SYNPO2L: variants seen among roughly 807,000 people sequenced by gnomAD.
SYNPO2L encodes the protein synaptopodin 2 like, also known as synaptopodin 2-like protein.
Under a neutral mutation model 47.5 loss-of-function variants are expected in SYNPO2L, and 34 were observed. The ratio of observed to expected loss-of-function variants is 0.72; its 90% CI spans 0.54 to 0.95. SYNPO2L has a LOEUF of 0.95. SYNPO2L is among the 40% of genes least tolerant of loss of function. SYNPO2L has a pLI of 0.00. For missense variants in SYNPO2L, 1,246 were observed against 1,282.0 expected (o/e 0.97, Z 0.43); for synonymous variants, 536 against 524.9 (o/e 1.02, Z -0.29).
intron 1 of SYNPO2L, 55 bp from the exon 2 acceptor site, chr10:73,654,335 T>C: frequency 5.8e-6 from 9 of 1,541,722 alleles, no homozygotes; most frequent in South Asian, 2.4e-5. Context: ...GGGAATAGAA[T>C]GAAAGGAAAA....
rs536226857 is a variant in SYNPO2L, at chr10:73,647,479, C to A, written c.2173G>T (p.Val725Leu). ...CCTCGAGATGGGGGCTTAGGAGCCA[C>A]TGGGGGTGGAGTCTTAGGAGTCATA... ...PPMTPKTPPP[V>L]APKPPSRGLL... Residue 725 changes from valine (V) to leucine (L), a missense_variant, in exon 4 of 4, where the codon GTG becomes TTG. Around this residue, in one of 3 missense-constraint regions of SYNPO2L, gnomAD observed 1,037 missense variants for 1,021.5 expected, o/e 1.02. Coordinates refer to ENST00000394810, the MANE Select transcript of SYNPO2L (RefSeq NM_001114133.3). 1.3e-6 allele frequency: 2 copies of A among 1,589,878 alleles called. No homozygotes were observed. Among genetic ancestry groups the A allele is most frequent in the African/African-American group, 2.7e-5 (2 of 73,990 alleles).
chr10:73,655,680 A>G, intron 1 of SYNPO2L, 138 bp downstream of exon 1: 1 of 658,354 alleles, frequency 1.5e-6, no homozygotes, highest in Non-Finnish European at 2.7e-6. Flanking sequence ...AGACTTGAGC[A>G]TACTTCCCTG....
At position 73,647,926 on chromosome 10, in the gene SYNPO2L, T is replaced by C. The variant is rs1182129085; in HGVS notation, c.1726A>G (p.Met576Val). 2.0e-6 allele frequency: 3 copies of C among 1,529,042 alleles called. No individual in the cohort carries two copies. The highest frequency in any genetic ancestry group is 2.6e-6 in the Non-Finnish European group (3 of 1,141,450). 94.7% of individuals were successfully genotyped at this position (1,529,042 alleles called of 1,614,324 possible). ...EPPAPPSAAAMTSTASIFLSA... is the reference protein window; with the variant it reads ...EPPAPPSAAAVTSTASIFLSA... ...AGGAAGATAGAAGCGGTGGAGGTCA[T>C]GGCAGCTGCGCTAGGAGGAGCGGGG... Residue 576 changes from methionine to valine, a missense_variant, in exon 4 of 4, where the codon ATG becomes GTG. Transcript: ENST00000394810.
At chr10:73,654,085 G>C in intron 2 of SYNPO2L, 44 bp downstream of exon 2, 1 of 1,540,688 alleles carries the variant, frequency 6.5e-7, no homozygotes, top group Non-Finnish European at 8.8e-7. Flanking sequence ...GACAGGCAAT[G>C]GGAGCCCTGG....
In SYNPO2L at chr10:73,648,644, G is replaced by C; in HGVS notation, c.1008C>G (p.Asp336Glu). ...GVPPTSESEL[D>E]EEAFSDARSL... ...TGCGGGCGTCAGAGAAGGCTTCTTCGTCCAGCTCGGACTCACTCGTGGGGG... is the reference window on the plus strand; with the variant it reads ...TGCGGGCGTCAGAGAAGGCTTCTTCCTCCAGCTCGGACTCACTCGTGGGGG... The change falls in exon 4 of 4, where the codon GAC (aspartate) becomes GAG (glutamate). Residue 336 changes from aspartate (D) to glutamate (E), a missense_variant. Coordinates refer to ENST00000394810, the MANE Select transcript of SYNPO2L (RefSeq NM_001114133.3). 1.2e-6 allele frequency: 2 copies of C among 1,613,532 alleles called. No homozygotes were observed. The highest frequency in any genetic ancestry group is 1.7e-6 in the Non-Finnish European group (2 of 1,179,504).
Position 73,647,313 on chromosome 10 carries a change from G to C in SYNPO2L, c.2339C>G (p.Pro780Arg). 6.2e-7 allele frequency: 1 copy of C among 1,614,096 alleles called. No individual in the cohort carries two copies. Among genetic ancestry groups the C allele is most frequent in the South Asian group, 1.1e-5 (1 of 91,088 alleles). The part of the protein sequence containing the change: ...DRYVVEGTPG[P>R]GLGPRPRSPS... ...ACTTCTAGGCCGAGGGCCAAGACCA[G>C]GACCAGGTGTACCTTCCACCACATA... is the stretch of plus-strand genomic sequence containing the variant. The change falls in exon 4 of 4, where the codon CCT (proline) becomes CGT (arginine). Residue 780 changes from proline to arginine, a missense_variant. This residue lies in a region of SYNPO2L where 1,037 missense variants were observed against 1,021.5 expected (regional missense o/e 1.02). Transcript: ENST00000394810.
At chr10:73,649,293 A>G (rs1440140957) in intron 3 of SYNPO2L, among the ~76,000 whole-genome samples, 1 of 152,162 alleles carries the variant, frequency 6.6e-6, no homozygotes, top group East Asian at 1.9e-4. Context: ...GGGAGAGGAA[A>G]GATGAGAAGG....
Position 73,645,105 on chromosome 10 carries a change from G to A in SYNPO2L, c.*1613C>T. 3.2e-6 allele frequency: 4 copies of A among 1,239,630 alleles called. No individual in the cohort carries two copies. Among genetic ancestry groups the A allele is most frequent in the Non-Finnish European group, 4.1e-6 (4 of 966,448 alleles). 76.8% of individuals were successfully genotyped at this position (1,239,630 alleles called of 1,614,324 possible). A position where few individuals can be genotyped will look rare whatever the true frequency, so the allele number is the denominator to read the frequency against. ...GGGGTGGGACTGAAAGGAGGTTTTGGCTCTGGGTATTTCCCTACTCTTTCC... is the reference window on the plus strand; with the variant it reads ...GGGGTGGGACTGAAAGGAGGTTTTGACTCTGGGTATTTCCCTACTCTTTCC... On this transcript the variant is annotated 3_prime_UTR_variant, in exon 4 of 4. Transcript: ENST00000394810.
rs201100488 is a variant in SYNPO2L at position 73,648,663 on chromosome 10, G to A, written c.989C>T (p.Thr330Met). ...GAEEEDGVPP[T>M]SESELDEEAF... is the part of the protein sequence containing the mutation. ...TTCTTCGTCCAGCTCGGACTCACTC[G>A]TGGGGGGAACGCCGTCCTCCTCCTC... is the stretch of plus-strand genomic sequence containing the variant. The change falls in exon 4 of 4, where the codon ACG becomes ATG. Residue 330 changes from threonine (T) to methionine (M), a missense_variant. Physicochemically the swap from Thr to Met is moderately conservative, Grantham distance 81. Around this residue, in one of 3 missense-constraint regions of SYNPO2L, gnomAD observed 1,037 missense variants for 1,021.5 expected, o/e 1.02. Transcript: ENST00000394810. The A allele has an allele frequency of 4.0e-5, 64 of 1,611,184 alleles. No individual in the cohort carries two copies. In the African/African-American group the frequency reaches 5.6e-4, roughly 14 times the overall value.
At position 73,648,457 on chromosome 10, in the gene SYNPO2L, C is replaced by G. The variant is rs759027292; in HGVS notation, c.1195G>C (p.Asp399His). The change falls in exon 4 of 4, where the codon GAC (aspartate) becomes CAC (histidine). Residue 399 changes from aspartate (D) to histidine (H), a missense_variant. Asp to His is a moderately conservative substitution (Grantham distance 81). Coordinates refer to ENST00000394810, the MANE Select transcript of SYNPO2L (RefSeq NM_001114133.3). ...QLFEQQRQRA[D>H]SSTQELARVE... is the part of the protein sequence containing the mutation. ...CGTGCCAGTTCCTGGGTGCTGGAGTCTGCGCGCTGGCGCTGCTGTTCAAAG... is the reference window on the plus strand; with the variant it reads ...CGTGCCAGTTCCTGGGTGCTGGAGTGTGCGCGCTGGCGCTGCTGTTCAAAG... 1.6e-5 allele frequency: 25 copies of G among 1,611,038 alleles called. No individual in the cohort carries two copies. Among genetic ancestry groups the G allele is most frequent in the Non-Finnish European group, 2.1e-5 (25 of 1,179,846 alleles).
At position 73,648,366 on chromosome 10, in the gene SYNPO2L, G is replaced by A. The variant is rs1354421665; in HGVS notation, c.1286C>T (p.Pro429Leu). The A allele has an allele frequency of 1.9e-6, 3 of 1,606,174 alleles. No homozygotes were observed. The highest frequency in any genetic ancestry group is 2.5e-6 in the Non-Finnish European group (3 of 1,179,260). The change falls in exon 4 of 4, where the codon CCC (proline) becomes CTC (leucine). Residue 429 changes from proline (P) to leucine (L), a missense_variant. Physicochemically the swap from Pro to Leu is moderately conservative, Grantham distance 98 (BLOSUM62 -3). Coordinates refer to ENST00000394810, the MANE Select transcript of SYNPO2L (RefSeq NM_001114133.3). The stretch of plus-strand genomic sequence containing the variant: ...GGGTGGGAGCACAGCTGCCTCTGGG[G>A]GAGCACTCTGGGCCCGAGGTGGTGA... Reference protein sequence around the residue: ...LQSPPRAQSAPPEAAVLPPSP... With the variant: ...LQSPPRAQSALPEAAVLPPSP...
chr10:73,645,394 C>G lies in SYNPO2L; in HGVS notation c.*1324G>C. The G allele has an allele frequency of 1.0e-6, 1 of 1,004,896 alleles. No homozygotes were observed. Among genetic ancestry groups the G allele is most frequent in the South Asian group, 4.2e-5 (1 of 24,026 alleles). 62.2% of individuals were successfully genotyped at this position (1,004,896 alleles called of 1,614,324 possible). A position where few individuals can be genotyped will look rare whatever the true frequency, so the allele number is the denominator to read the frequency against. On this transcript the variant is annotated 3_prime_UTR_variant, in exon 4 of 4. Coordinates refer to ENST00000394810, the MANE Select transcript of SYNPO2L (RefSeq NM_001114133.3). ...CTTCTGTCTGTGGCTCAATCACTTA[C>G]ACTCATTTCTGCCATGCTTCTGATT...
At position 73,656,009 on chromosome 10, in the gene SYNPO2L, T is replaced by C; in HGVS notation, c.-87A>G. ...GCTCGAACCCCGTCTGGGCTTCCTG[T>C]CCGGCTGTCCTGCTCCTGCTGCCCC... On this transcript the variant is annotated 5_prime_UTR_variant, in exon 1 of 4. Coordinates refer to ENST00000394810, the MANE Select transcript of SYNPO2L (RefSeq NM_001114133.3). The C allele has an allele frequency of 1.7e-6, 2 of 1,145,128 alleles. No homozygotes were observed. Among genetic ancestry groups the C allele is most frequent in the Non-Finnish European group, 2.5e-6 (2 of 814,606 alleles). 70.9% of individuals were successfully genotyped at this position (1,145,128 alleles called of 1,614,324 possible).
In SYNPO2L at chr10:73,655,829, G is replaced by A. The variant is rs1045276509; in HGVS notation, c.94C>T (p.Gln32Ter). 4.5e-6 allele frequency: 7 copies of A among 1,549,080 alleles called. No homozygotes were observed. Among genetic ancestry groups the A allele is most frequent in the Non-Finnish European group, 6.1e-6 (7 of 1,145,848 alleles). The change falls in exon 1 of 4, where the codon CAG becomes TAG. Residue 32 changes from glutamine to a stop codon, truncating the protein, a stop_gained. Coordinates refer to ENST00000394810, the MANE Select transcript of SYNPO2L (RefSeq NM_001114133.3). LOFTEE classifies it high-confidence loss of function. ...HGGAEQRKPL[Q>*]VSKIRRRSQA... is the part of the protein sequence containing the mutation. ...GGGCTCTCCCTTACCTTAGACACCT[G>A]TAACGGTTTCCTCTGCTCGGCCCCC... is the stretch of plus-strand genomic sequence containing the variant.
intron 3 of SYNPO2L, chr10:73,649,895 A>G: frequency 1.0e-6 from 1 of 985,420 alleles, no homozygotes; most frequent in Non-Finnish European, 1.2e-6. Context: ...AGGATACCTC[A>G]AGGTCGCCAG....
chr10:73,651,031 G>A (rs1454246055), intron 3 of SYNPO2L: 1 of 1,607,818 alleles, frequency 6.2e-7, no homozygotes, highest in Non-Finnish European at 8.5e-7. Flanking sequence ...GTGTTGGCTG[G>A]AGCAGGACCA....
Position 73,645,309 on chromosome 10 carries a change from C to G in SYNPO2L, c.*1409G>C. On this transcript the variant is annotated 3_prime_UTR_variant, in exon 4 of 4. Transcript: ENST00000394810. ...TTTTTTCCAATCCCCCTCTCACACA[C>G]GGTTGGTTTCTTGTTACTCAACTTT... The G allele has an allele frequency of 9.3e-7, 1 of 1,080,966 alleles. No homozygotes were observed. The highest frequency in any genetic ancestry group is 1.1e-6 in the Non-Finnish European group (1 of 884,576). 67.0% of individuals were successfully genotyped at this position (1,080,966 alleles called of 1,614,324 possible). A position where few individuals can be genotyped will look rare whatever the true frequency, so the allele number is the denominator to read the frequency against.
At chr10:73,651,377 T>C (rs191149465) in intron 3 of SYNPO2L, among the ~76,000 whole-genome samples, 1 of 152,248 alleles carries the variant, frequency 6.6e-6, no homozygotes, top group Non-Finnish European at 1.5e-5. Context: ...CACTCAGGGA[T>C]GTCAGACTCT....
chr10:73,652,511 A>C (rs533436088), intron 3 of SYNPO2L, among the ~76,000 whole-genome samples: 1 of 152,050 alleles, frequency 6.6e-6, no homozygotes, highest in Non-Finnish European at 1.5e-5. Context: ...TCTACTAAAA[A>C]TACAAAAAAT....
Sources: gnomAD v4.1 joint callset for allele counts (sites outside exome capture counted in the v4.1 genomes callset) on GRCh38, gnomAD v4.1.1 for gene constraint, gnomAD v4.1.1 regional missense constraint, MANE v1.5 for transcripts, NCBI Gene and HGNC (gene_info 2026-07-23, HGNC 2026-07-21) for gene names.